The following KIAA1549L variants were observed in gnomAD, a reference collection of about 807,000 sequenced individuals.
KIAA1549L encodes UPF0606 protein KIAA1549L.
KIAA1549L carries 88 observed loss-of-function variants against 160.7 expected under a neutral mutation model. The ratio of observed to expected loss-of-function variants is 0.55; its 90% CI spans 0.46 to 0.65. The LOEUF (loss-of-function observed/expected upper bound fraction) is 0.65. Ranked by LOEUF, KIAA1549L falls within the 30% of genes least tolerant of loss-of-function variation. The probability of loss-of-function intolerance (pLI) is 0.00; values close to 1 mark genes in which losing one functional copy is unlikely to be tolerated. For synonymous variants in KIAA1549L, 950 were observed against 976.7 expected (o/e 0.97, Z 0.51); for missense variants, 2,258 against 2,437.5 (o/e 0.93, Z 1.55).
chr11:33,529,205 A>G (rs1411336552), intron 1 of KIAA1549L, among the ~76,000 whole-genome samples: 3 of 151,956 alleles, frequency 2.0e-5, no homozygotes. Flanking sequence ...GTGTGGCGGT[A>G]TGTCCCTGTA....
intron 9 of KIAA1549L, among the ~76,000 whole-genome samples, chr11:33,569,058 C>T (rs1489967123): frequency 1.3e-5 from 2 of 152,164 alleles, no homozygotes; most frequent in Non-Finnish European, 2.9e-5. Flanking sequence ...CCTTCCCATT[C>T]TTGTATTACC....
rs1190549862 is a variant in KIAA1549L at position 33,606,636 on chromosome 11, T to C, written c.4880-5T>C. 6.2e-6 allele frequency: 10 copies of C among 1,613,496 alleles called. No homozygotes were observed. Among genetic ancestry groups the C allele is most frequent in the Non-Finnish European group, 8.5e-6 (10 of 1,179,664 alleles). The stretch of plus-strand genomic sequence containing the variant: ...TAAAATCGATGTGTTTATGTTGTGC[T>C]TCAGTGCCAGCGAGTGACGAAGAGG... On this transcript the variant is annotated splice_polypyrimidine_tract_variant and splice_region_variant and intron_variant, in intron 13 of 20. Coordinates refer to ENST00000658780, the MANE Select transcript of KIAA1549L (RefSeq NM_012194.3).
chr11:33,383,606 A>G (rs1449978688), intron 1 of KIAA1549L, among the ~76,000 whole-genome samples: 1 of 152,184 alleles, frequency 6.6e-6, no homozygotes, highest in African/African-American at 2.4e-5. Context: ...CTGGGGGTAT[A>G]GTGAGAACAG....
At chr11:33,506,797 T>C (rs1221823145) in intron 1 of KIAA1549L, among the ~76,000 whole-genome samples, 1 of 151,780 alleles carries the variant, frequency 6.6e-6, no homozygotes, top group African/African-American at 2.4e-5. Context: ...ATTTGAAAAA[T>C]TCCAAAATCA....
chr11:33,544,242 T>C lies in KIAA1549L; in HGVS notation c.2679T>C (p.Tyr893=), dbSNP rs758120667. 18 of 1,614,016 alleles carry C rather than the reference T, an allele frequency of 1.1e-5. No homozygotes were observed. The highest frequency in any genetic ancestry group is 2.2e-5 in the South Asian group (2 of 91,086). ...CACCATTCCAGAACATCTTGGGATA[T>C]CACTCTGCTGCTGAATCTTCTATAT... is the stretch of plus-strand genomic sequence containing the variant. ...ASTPFQNILG[Y]HSAAESSIST... The change falls in exon 2 of 21, where the codon TAT becomes TAC. Residue 893 remains tyrosine (Y), a synonymous_variant. Coordinates refer to ENST00000658780, the MANE Select transcript of KIAA1549L (RefSeq NM_012194.3).
intron 2 of KIAA1549L, 48 bp downstream of exon 2, chr11:33,544,384 G>A: frequency 6.3e-7 from 1 of 1,578,888 alleles, no homozygotes; most frequent in Non-Finnish European, 8.7e-7. Context: ...CCCCAAAACA[G>A]GCATGACTGC....
At chr11:33,531,079 T>C (rs1340631972) in intron 1 of KIAA1549L, among the ~76,000 whole-genome samples, 1 of 152,202 alleles carries the variant, frequency 6.6e-6, no homozygotes, top group African/African-American at 2.4e-5. Flanking sequence ...GAATTCTTCT[T>C]CTTTTCTTTC....
chr11:33,475,918 C>A (rs1046329353), intron 1 of KIAA1549L, among the ~76,000 whole-genome samples: 1 of 152,072 alleles, frequency 6.6e-6, no homozygotes, highest in Non-Finnish European at 1.5e-5. Flanking sequence ...CCACCCAACT[C>A]CCCCCAGGTT....
At chr11:33,591,198 C>A in intron 11 of KIAA1549L, 39 bp from the exon 12 acceptor site, 2 of 1,507,570 alleles carry the variant, frequency 1.3e-6, no homozygotes, top group Non-Finnish European at 1.8e-6. Flanking sequence ...AGTCACACTT[C>A]GCTAGAAATA....
chr11:33,560,019 T>C, intron 7 of KIAA1549L, 108 bp downstream of exon 7: 1 of 1,050,098 alleles, frequency 9.5e-7, no homozygotes, highest in Non-Finnish European at 1.4e-6. Context: ...TATCATAAAG[T>C]GACAGCTAAA....
intron 1 of KIAA1549L, among the ~76,000 whole-genome samples, chr11:33,466,426 T>C (rs1232563482): frequency 6.6e-6 from 1 of 152,206 alleles, no homozygotes; most frequent in Non-Finnish European, 1.5e-5. Context: ...AGATACCGTC[T>C]CACGCCAGTT....
At chr11:33,534,162 A>C (rs985865438) in intron 1 of KIAA1549L, among the ~76,000 whole-genome samples, 3 of 152,014 alleles carry the variant, frequency 2.0e-5, no homozygotes, top group Non-Finnish European at 4.4e-5. Flanking sequence ...GGCTCACTGC[A>C]ACGTCTGCCT....
intron 11 of KIAA1549L, among the ~76,000 whole-genome samples, chr11:33,585,099 A>T (rs1855769508): frequency 6.6e-6 from 1 of 152,246 alleles, no homozygotes; most frequent in South Asian, 2.1e-4. Context: ...CTGAAGAGCC[A>T]AATGCCAAAG....
At chr11:33,544,462 C>T (rs1477598790) in intron 2 of KIAA1549L, 126 bp downstream of exon 2, 14 of 1,037,626 alleles carry the variant, frequency 1.3e-5, no homozygotes, top group East Asian at 4.8e-5. Context: ...CTCATACCCC[C>T]GATCAGGAAT....
chr11:33,520,733 A>ACACACT (rs1853470344), intron 1 of KIAA1549L, among the ~76,000 whole-genome samples: 1 of 97,168 alleles, frequency 1.0e-5, no homozygotes, highest in Non-Finnish European at 2.1e-5. Flanking sequence ...ACACACACAC[A>ACACACT]CACACACTCC....
intron 15 of KIAA1549L, among the ~76,000 whole-genome samples, chr11:33,614,144 A>G (rs140160298): frequency 0.012 from 1,787 of 152,266 alleles, 17 homozygotes; most frequent in Middle Eastern, 0.024. Context: ...GGGAACTGGA[A>G]GCGTAAGTTA....
In KIAA1549L at chr11:33,543,137, CT is replaced by C; in HGVS notation, c.1575del (p.Leu526PhefsTer40). 6.2e-7 allele frequency: 1 copy of C among 1,613,916 alleles called. No individual in the cohort carries two copies. The highest frequency in any genetic ancestry group is 8.5e-7 in the Non-Finnish European group (1 of 1,179,890). On this transcript the variant is annotated frameshift_variant, in exon 2 of 21. Transcript: ENST00000658780. LOFTEE classifies it high-confidence loss of function. ...ASPSPVPEMPTLPAEGSDGSP... is the reference protein window; with the variant it reads ...ASPSPVPEMPXLPAEGSDGSP... ...CCATCTCCTGTGCCAGAAATGCCCA[CT>C]CTTCCAGCAGAGGGCAGTGATGGGT...
At chr11:33,469,301 T>G (rs1852127910) in intron 1 of KIAA1549L, among the ~76,000 whole-genome samples, 1 of 152,208 alleles carries the variant, frequency 6.6e-6, no homozygotes, top group South Asian at 2.1e-4. Context: ...CTTTTATGTG[T>G]AGCTTCTTTT....
At chr11:33,541,425 T>G (rs548987467) in intron 1 of KIAA1549L, among the ~76,000 whole-genome samples, 157 of 152,366 alleles carry the variant, frequency 1.0e-3, no homozygotes, top group Non-Finnish European at 1.7e-3. Context: ...TTCTTTAGTT[T>G]CGTGCATTTT....
Sources: gnomAD v4.1 joint callset for allele counts (sites outside exome capture counted in the v4.1 genomes callset) on GRCh38, gnomAD v4.1.1 for gene constraint, MANE v1.5 for transcripts, NCBI Gene and HGNC (gene_info 2026-07-23, HGNC 2026-07-21) for gene names.